The following DBF4B variants were observed in gnomAD, a reference collection of about 807,000 sequenced individuals.
DBF4B encodes the protein protein DBF4 homolog B.
Under a neutral mutation model 53.4 loss-of-function variants are expected in DBF4B, and 49 were observed. That is an observed-to-expected ratio of 0.92 (90% CI 0.73 to 1.16). The LOEUF (loss-of-function observed/expected upper bound fraction) is 1.16, where lower values mean the gene tolerates loss of function less well. DBF4B is among the 50% of genes most tolerant of loss of function. DBF4B has a pLI of 0.00. For synonymous variants in DBF4B, 257 were observed against 288.7 expected (o/e 0.89, Z 1.11); for missense variants, 692 against 775.0 (o/e 0.89, Z 1.27).
chr17:44,729,313 T>C (rs551980885), intron 3 of DBF4B, among the ~76,000 whole-genome samples: 15 of 151,332 alleles, frequency 9.9e-5, no homozygotes, highest in South Asian at 2.1e-4. Flanking sequence ...GTGATGCTCC[T>C]GCCTCAGACT....
At chr17:44,750,013 T>C (rs1450329992) in intron 13 of DBF4B, 1 of 1,001,210 alleles carries the variant, frequency 1.0e-6, no homozygotes, top group Non-Finnish European at 1.2e-6. Flanking sequence ...ACCTTTCCCC[T>C]GAGCCCAGGA....
intron 2 of DBF4B, among the ~76,000 whole-genome samples, 153 bp downstream of exon 2, chr17:44,709,519 C>T (rs1972675592): frequency 6.6e-6 from 1 of 152,084 alleles, no homozygotes; most frequent in Non-Finnish European, 1.5e-5. Context: ...TGGGGTCTTG[C>T]TGTGTTGGCC....
At chr17:44,725,276 C>T (rs1473583973) in intron 3 of DBF4B, among the ~76,000 whole-genome samples, 1 of 152,160 alleles carries the variant, frequency 6.6e-6, no homozygotes, top group Non-Finnish European at 1.5e-5. Context: ...GATGACAGAG[C>T]AAGACCATGT....
chr17:44,718,574 T>C (rs894891109), intron 2 of DBF4B, among the ~76,000 whole-genome samples: 1 of 152,066 alleles, frequency 6.6e-6, no homozygotes, highest in Non-Finnish European at 1.5e-5. Context: ...GTCCACATGA[T>C]TGAATTCAGC....
At chr17:44,717,257 C>T (rs1051933784) in intron 2 of DBF4B, among the ~76,000 whole-genome samples, 4 of 152,146 alleles carry the variant, frequency 2.6e-5, no homozygotes, top group African/African-American at 9.6e-5. Flanking sequence ...CCAGCTCACA[C>T]TGTTCTATTT....
chr17:44,734,435 A>G (rs1975155335), intron 7 of DBF4B, among the ~76,000 whole-genome samples: 1 of 152,108 alleles, frequency 6.6e-6, no homozygotes, highest in Non-Finnish European at 1.5e-5. Flanking sequence ...TGGGCTCCCT[A>G]CAGTAGTTCT....
intron 10 of DBF4B, among the ~76,000 whole-genome samples, chr17:44,742,846 G>A (rs909704549): frequency 6.6e-6 from 1 of 152,152 alleles, no homozygotes; most frequent in African/African-American, 2.4e-5. Context: ...AAGGAATTCA[G>A]CTCAGGTGAT....
Position 44,748,282 on chromosome 17 carries a change from C to G in DBF4B, c.1065-59C>G. 3 of 1,536,924 alleles carry G rather than the reference C, an allele frequency of 2.0e-6. 1 individual carries two copies. The South Asian group carries it at 3.8e-5, about 19-fold the overall frequency. Reference sequence around the variant, plus strand: ...GGCAGCTCTCCCTGTGCCCTCAGCCCTGGCCCAGGCCTGCTGTGAAGTTGA... The same window carrying G: ...GGCAGCTCTCCCTGTGCCCTCAGCCGTGGCCCAGGCCTGCTGTGAAGTTGA... On this transcript the variant is annotated intron_variant, in intron 12 of 13. Transcript: ENST00000315005.
chr17:44,713,699 T>C (rs1007454876), intron 2 of DBF4B, among the ~76,000 whole-genome samples: 4 of 108,838 alleles, frequency 3.7e-5, no homozygotes, highest in Non-Finnish European at 5.6e-5. Context: ...TATAATAAGC[T>C]AGGAGATTTT....
rs768658386 is a variant in DBF4B at position 44,751,905 on chromosome 17, C to G, written c.*652C>G. On this transcript the variant is annotated 3_prime_UTR_variant, in exon 14 of 14. Coordinates refer to ENST00000315005, the MANE Select transcript of DBF4B (RefSeq NM_145663.3). ...TGGTTCTCCTGTCCCCCTGCCCTTC[C>G]TCACCATTGCCCATTCCCTCGTTCG... 3.5e-5 allele frequency: 53 copies of G among 1,536,080 alleles called. No individual in the cohort carries two copies. The highest frequency in any genetic ancestry group is 8.7e-7 in the Non-Finnish European group (1 of 1,146,922).
chr17:44,747,553 T>A (rs375657662), intron 12 of DBF4B, 38 bp downstream of exon 12: 1 of 1,609,430 alleles, frequency 6.2e-7, no homozygotes, highest in African/African-American at 1.3e-5. Flanking sequence ...GTGTCTGCTC[T>A]CTCCTCTGTT....
Position 44,750,754 on chromosome 17 carries a change from C to G in DBF4B, c.1349C>G (p.Ser450Cys). Residue 450 changes from serine (S) to cysteine (C), a missense_variant, in exon 14 of 14, where the codon TCC (serine) becomes TGC (cysteine). Physicochemically the swap from Ser to Cys is moderately radical, Grantham distance 112. This residue lies in a region of DBF4B where 597 missense variants were observed against 665.8 expected (regional missense o/e 0.90). Transcript: ENST00000315005. The part of the protein sequence containing the change: ...EQGCLCPCPA[S>C]FTQSHLVTSL... ...GGCTGCCTCTGTCCCTGCCCAGCCT[C>G]CTTTACCCAGTCTCATCTGGTCACT... is the stretch of plus-strand genomic sequence containing the variant. 2 of 1,614,194 alleles carry G rather than the reference C, an allele frequency of 1.2e-6. No individual in the cohort carries two copies. The highest frequency in any genetic ancestry group is 1.7e-6 in the Non-Finnish European group (2 of 1,180,044).
intron 2 of DBF4B, among the ~76,000 whole-genome samples, chr17:44,715,120 A>G (rs1973215432): frequency 6.6e-6 from 1 of 151,114 alleles, no homozygotes; most frequent in Non-Finnish European, 1.5e-5. Context: ...TCTCCCTTCT[A>G]TTTTCTCTTT....
intron 10 of DBF4B, among the ~76,000 whole-genome samples, chr17:44,746,647 C>T (rs924992778): frequency 2.0e-5 from 3 of 152,036 alleles, no homozygotes; most frequent in South Asian, 2.1e-4. Context: ...GGTGAAACCC[C>T]GTCTCTACTG....
At chr17:44,744,084 C>G (rs1195660860) in intron 10 of DBF4B, among the ~76,000 whole-genome samples, 1 of 34,434 alleles carries the variant, frequency 2.9e-5, no homozygotes, top group African/African-American at 9.3e-5. Flanking sequence ...TGAGACCACC[C>G]CCCCCCCCCC....
At chr17:44,733,119 T>C (rs1425979432) in intron 6 of DBF4B, among the ~76,000 whole-genome samples, 54 of 143,334 alleles carry the variant, frequency 3.8e-4, no homozygotes, top group African/African-American at 1.2e-3. Flanking sequence ...GAGCCGAGAT[T>C]GCGCCACTGC....
In DBF4B at chr17:44,749,627, G is replaced by C. The variant is rs1009935694; in HGVS notation, c.1190-968G>C. 1 of 1,185,450 alleles carries C rather than the reference G, an allele frequency of 8.4e-7. No homozygotes were observed. Among genetic ancestry groups the C allele is most frequent in the African/African-American group, 1.6e-5 (1 of 62,446 alleles). 73.4% of individuals were successfully genotyped at this position (1,185,450 alleles called of 1,614,324 possible). A position where few individuals can be genotyped will look rare whatever the true frequency, so the allele number is the denominator to read the frequency against. On this transcript the variant is annotated intron_variant, in intron 13 of 13. Coordinates refer to ENST00000315005, the MANE Select transcript of DBF4B (RefSeq NM_145663.3). The surrounding 1 kb of genome is among the most constrained non-coding windows in gnomAD (Gnocchi z 4.4). ...CTGCCTCCTGCCATGTTCCTGACCAGGCAGAGTCTACAGTGGGCTTGCCCA... is the reference window on the plus strand; with the variant it reads ...CTGCCTCCTGCCATGTTCCTGACCACGCAGAGTCTACAGTGGGCTTGCCCA...
intron 3 of DBF4B, among the ~76,000 whole-genome samples, chr17:44,726,875 G>A (rs558676200): frequency 3.0e-3 from 453 of 152,212 alleles, no homozygotes; most frequent in Middle Eastern, 6.8e-3. Flanking sequence ...GAGGCGGGCG[G>A]ATCACTTAAG....
At chr17:44,718,296 G>A (rs758131501) in intron 2 of DBF4B, among the ~76,000 whole-genome samples, 4 of 151,548 alleles carry the variant, frequency 2.6e-5, no homozygotes, top group African/African-American at 4.8e-5. Context: ...GGTGGTGTGC[G>A]CCTGTAGTCC....
Sources: allele counts gnomAD v4.1 joint callset (sites outside exome capture counted in the v4.1 genomes callset), GRCh38; gene constraint gnomAD v4.1.1; regional missense constraint gnomAD v4.1.1; non-coding constraint Gnocchi (gnomAD v3.1); transcripts MANE v1.5; gene names NCBI Gene and HGNC (gene_info 2026-07-23, HGNC 2026-07-21).